The following GALK2 variants were observed in gnomAD, a reference collection of about 807,000 sequenced individuals.
GALK2 encodes galactokinase 2, also known as N-acetylgalactosamine kinase.
A neutral mutation model predicts 52.4 loss-of-function variants in GALK2; 36 were observed. That is an observed-to-expected ratio of 0.69 (90% CI 0.53 to 0.91). The LOEUF (loss-of-function observed/expected upper bound fraction) is 0.91. GALK2 is among the 40% of genes least tolerant of loss of function. GALK2 has a pLI of 0.00. For synonymous variants in GALK2, 176 were observed against 199.1 expected, an observed-to-expected ratio of 0.88 and a Z score of 0.98; for missense variants, 579 against 559.1, an observed-to-expected ratio of 1.04 and a Z score of -0.36.
intron 5 of GALK2, among the ~76,000 whole-genome samples, chr15:49,258,786 A>G (rs998400328): frequency 0.011 from 1,151 of 109,524 alleles, 24 homozygotes; most frequent in African/African-American, 0.048. Context: ...GCATATATAT[A>G]TATATATATG....
intron 5 of GALK2, among the ~76,000 whole-genome samples, chr15:49,271,050 G>A (rs148856870): frequency 2.0e-5 from 3 of 152,192 alleles, no homozygotes; most frequent in African/African-American, 7.2e-5. Context: ...TCCAGGACAC[G>A]CTTGCCAAAC....
At chr15:49,261,802 T>C (rs1201498152) in intron 5 of GALK2, among the ~76,000 whole-genome samples, 1 of 152,044 alleles carries the variant, frequency 6.6e-6, no homozygotes, top group African/African-American at 2.4e-5. Context: ...TGTCAAAGGC[T>C]TTTTCTGCAT....
chr15:49,365,327 A>T (rs192469112), intron 3 of GALK2: 2 of 1,567,918 alleles, frequency 1.3e-6, no homozygotes, highest in African/African-American at 2.7e-5. Flanking sequence ...CACCAGAACA[A>T]CAAATGTAAG....
chr15:49,155,913 T>TA (rs1170425275), exon 1 of GALK2: 2 of 1,478,468 alleles, frequency 1.4e-6, no homozygotes, highest in Non-Finnish European at 1.9e-6. Flanking sequence ...TCTCCTCCCT[T>TA]GCTTGGGACT....
In GALK2 at chr15:49,328,104, A is replaced by T. The variant is rs2037847614; in HGVS notation, c.1322A>T (p.Gln441Leu). Residue 441 changes from glutamine (Q) to leucine (L), a missense_variant, in exon 10 of 10, where the codon CAA becomes CTA. Coordinates refer to ENST00000560031, the MANE Select transcript of GALK2 (RefSeq NM_002044.4). ...GATGGAAGCTTAGCACCGGAGAAGC[A>T]AAGTTTGTTTGCTACCAAACCTGGA... ...RSDGSLAPEK[Q>L]SLFATKPGGG... 2 of 1,614,036 alleles carry T rather than the reference A, an allele frequency of 1.2e-6. No individual in the cohort carries two copies. Among genetic ancestry groups the T allele is most frequent in the African/African-American group, 2.7e-5 (2 of 74,926 alleles).
At chr15:49,245,971 C>T (rs1462431132) in intron 5 of GALK2, among the ~76,000 whole-genome samples, 1 of 152,096 alleles carries the variant, frequency 6.6e-6, no homozygotes, top group African/African-American at 2.4e-5. Context: ...TATTTCAGTA[C>T]TCTGCATACT....
chr15:49,287,665 A>G (rs564296818), intron 7 of GALK2, among the ~76,000 whole-genome samples: 6 of 152,218 alleles, frequency 3.9e-5, no homozygotes, highest in Non-Finnish European at 5.9e-5. Context: ...CTGTTTTCCA[A>G]CAACAATAAT....
rs2038736654 is a variant in GALK2 at position 49,331,481 on chromosome 15, T to C, written c.*3322T>C. ...TTTTGTTGAATTATTAATGAAAAAC[T>C]TACAATTTTAAACATCAGTGATTAT... On this transcript the variant is annotated 3_prime_UTR_variant, in exon 10 of 10. Transcript: ENST00000560031. The C allele has an allele frequency of 3.3e-6, 1 of 301,184 alleles. No homozygotes were observed. Among genetic ancestry groups the C allele is most frequent in the Non-Finnish European group, 6.2e-6 (1 of 162,414 alleles). 18.7% of individuals were successfully genotyped at this position (301,184 alleles called of 1,614,324 possible). A position where few individuals can be genotyped will look rare whatever the true frequency, so the allele number is the denominator to read the frequency against.
intron 5 of GALK2, among the ~76,000 whole-genome samples, chr15:49,258,989 T>A (rs1033001083): frequency 1.3e-5 from 2 of 151,554 alleles, no homozygotes; most frequent in African/African-American, 4.9e-5. Flanking sequence ...CATTTTTTGA[T>A]GGGGTTGTTT....
chr15:49,306,327 A>G (rs570852096), intron 8 of GALK2, among the ~76,000 whole-genome samples: 27 of 152,246 alleles, frequency 1.8e-4, no homozygotes, highest in African/African-American at 6.5e-4. Flanking sequence ...AAATAACATA[A>G]GTAGAGATAG....
Position 49,189,985 on chromosome 15 carries a change from A to G in GALK2, c.54-11177A>G, listed in dbSNP as rs536020413. Among the ~76,000 whole-genome samples the G allele has an allele frequency of 8.7e-4, 133 of 152,298 alleles. 1 individual carries two copies. Among genetic ancestry groups the G allele is most frequent in the African/African-American group, 3.0e-3 (124 of 41,566 alleles). On this transcript the variant is annotated intron_variant, in intron 1 of 9. Coordinates refer to ENST00000560031, the MANE Select transcript of GALK2 (RefSeq NM_002044.4). ...TTTCAAGATCCAATCTAGGATGTAT[A>G]CTATACTTACTTATTGCCTCTTTAA...
chr15:49,304,727 T>C (rs150903386), intron 8 of GALK2, among the ~76,000 whole-genome samples: 1 of 152,364 alleles, frequency 6.6e-6, no homozygotes, highest in Non-Finnish European at 1.5e-5. Context: ...ATCTTGGTGA[T>C]ACCAATGAGA....
In GALK2 at chr15:49,157,664, A is replaced by G. The variant is rs143017205; in HGVS notation, c.20+1648A>G. Among the ~76,000 whole-genome samples the G allele has an allele frequency of 4.7e-4, 71 of 152,310 alleles. 3 individuals carry two copies. In the East Asian group the frequency reaches 0.012, roughly 26 times the overall value. The stretch of plus-strand genomic sequence containing the variant: ...GGTAAATGAAATTTGGTGATTATAT[A>G]TAGTTTTGGATGTTAATGCTAGTTG... On this transcript the variant is annotated intron_variant, in intron 1 of 9. Transcript: ENST00000327171.
intron 1 of GALK2, among the ~76,000 whole-genome samples, chr15:49,162,256 C>T (rs1223457857): frequency 6.6e-6 from 1 of 152,136 alleles, no homozygotes; most frequent in Non-Finnish European, 1.5e-5. Flanking sequence ...CTCTCATTTT[C>T]CTGGTTTCTT....
intron 5 of GALK2, among the ~76,000 whole-genome samples, chr15:49,266,012 G>A (rs2092347734): frequency 6.6e-6 from 1 of 152,154 alleles, no homozygotes; most frequent in African/African-American, 2.4e-5. Context: ...ACTTGGACTG[G>A]GTTCAGCTTG....
chr15:49,315,613 T>C (rs542192420), intron 8 of GALK2, among the ~76,000 whole-genome samples: 12 of 152,356 alleles, frequency 7.9e-5, no homozygotes, highest in African/African-American at 2.9e-4. Context: ...AAGATTTTTA[T>C]ATCACAATTG....
chr15:49,339,398 CAGGTCTGCTGT>C (rs2151207514), intron 3 of GALK2, among the ~76,000 whole-genome samples: 1 of 152,286 alleles, frequency 6.6e-6, no homozygotes, highest in East Asian at 1.9e-4. Flanking sequence ...CCCTCTGCTG[CAGGTCTGCTGT>C]AGGTCCGCCC....
intron 2 of GALK2, among the ~76,000 whole-genome samples, chr15:49,211,698 G>A (rs1365738832): frequency 6.6e-6 from 1 of 152,182 alleles, no homozygotes; most frequent in Non-Finnish European, 1.5e-5. Context: ...AAAGGGGAAG[G>A]AGGCACGCCG....
intron 3 of GALK2, among the ~76,000 whole-genome samples, chr15:49,338,015 T>C (rs1337523487): frequency 1.3e-5 from 2 of 152,242 alleles, no homozygotes; most frequent in African/African-American, 4.8e-5. Context: ...TTTGTGTATA[T>C]ACCCAGTAAT....
Sources: allele counts gnomAD v4.1 joint callset (sites outside exome capture counted in the v4.1 genomes callset), GRCh38; gene constraint gnomAD v4.1.1; transcripts MANE v1.5; gene names NCBI Gene and HGNC (gene_info 2026-07-23, HGNC 2026-07-21).